TRPM3: variants seen among roughly 807,000 people sequenced by gnomAD.
The protein encoded by TRPM3 is long transient receptor potential channel 3.
Under a neutral mutation model 181.2 loss-of-function variants are expected in TRPM3, and 77 were observed. That is an observed-to-expected ratio of 0.42 (90% CI 0.35 to 0.51). TRPM3 has a LOEUF of 0.51. Among genes scored for constraint, TRPM3 ranks in the 20% least tolerant of loss-of-function variants. TRPM3 has a pLI of 0.01. For missense variants in TRPM3, 1,759 were observed against 2,196.7 expected (o/e 0.80, Z 3.98); for synonymous variants, 745 against 796.4 (o/e 0.94, Z 1.09).
intron 1 of TRPM3, among the ~76,000 whole-genome samples, chr9:71,197,287 TG>T (rs2078445628): frequency 6.6e-6 from 1 of 152,202 alleles, no homozygotes; most frequent in Admixed American, 6.6e-5. Context: ...ACATTTCGCT[TG>T]GTTCCAAGTC....
intron 1 of TRPM3, among the ~76,000 whole-genome samples, chr9:71,350,188 A>C (rs963083233): frequency 6.6e-6 from 1 of 152,140 alleles, no homozygotes; most frequent in Non-Finnish European, 1.5e-5. Context: ...ATGAGCAAAT[A>C]TCTCACAGTC....
At chr9:71,165,428 C>A (rs180886325) in intron 1 of TRPM3, among the ~76,000 whole-genome samples, 481 of 152,232 alleles carry the variant, frequency 3.2e-3, no homozygotes, top group African/African-American at 0.011. Flanking sequence ...AGTAGCTTAA[C>A]ATCCATAGAA....
At chr9:71,065,254 G>C (rs530850201) in intron 1 of TRPM3, among the ~76,000 whole-genome samples, 1 of 152,256 alleles carries the variant, frequency 6.6e-6, no homozygotes, top group African/African-American at 2.4e-5. Flanking sequence ...GGACTGTCAA[G>C]TAAAGATGAA....
intron 22 of TRPM3, among the ~76,000 whole-genome samples, chr9:70,554,473 C>T (rs995170667): frequency 1.3e-5 from 2 of 152,140 alleles, no homozygotes; most frequent in South Asian, 4.1e-4. Flanking sequence ...GGCGTCCATT[C>T]CTTTCTCAAG....
chr9:71,160,611 T>A (rs928907971), intron 1 of TRPM3, among the ~76,000 whole-genome samples: 1 of 152,140 alleles, frequency 6.6e-6, no homozygotes, highest in African/African-American at 2.4e-5. Flanking sequence ...CAAAATACAA[T>A]CTGTCTTTAA....
intron 1 of TRPM3, among the ~76,000 whole-genome samples, chr9:71,433,324 A>G (rs1240454568): frequency 6.6e-6 from 1 of 152,188 alleles, no homozygotes; most frequent in Non-Finnish European, 1.5e-5. Context: ...TTCTTGTGAC[A>G]GTGAGTGAGT....
At chr9:70,781,062 A>C (rs1472460543) in intron 7 of TRPM3, among the ~76,000 whole-genome samples, 1 of 152,142 alleles carries the variant, frequency 6.6e-6, no homozygotes, top group Non-Finnish European at 1.5e-5. Flanking sequence ...GTGGTGGCTC[A>C]CACCTGTAAT....
intron 1 of TRPM3, among the ~76,000 whole-genome samples, chr9:70,968,409 T>C (rs2097206631): frequency 6.6e-6 from 1 of 152,116 alleles, no homozygotes; most frequent in South Asian, 2.1e-4. Context: ...ATTCCTTCCT[T>C]CCTTTATCAT....
At chr9:71,090,551 A>G (rs2066029839) in intron 1 of TRPM3, among the ~76,000 whole-genome samples, 1 of 152,134 alleles carries the variant, frequency 6.6e-6, no homozygotes, top group South Asian at 2.1e-4. Context: ...GACGCTTCCC[A>G]GACTGTTGCA....
chr9:71,192,950 A>G (rs1046774001), intron 1 of TRPM3, among the ~76,000 whole-genome samples: 1 of 151,912 alleles, frequency 6.6e-6, no homozygotes, highest in Non-Finnish European at 1.5e-5. Context: ...TCATGCTGTC[A>G]AATACATATC....
At chr9:70,879,210 C>G (rs968486438) in intron 1 of TRPM3, among the ~76,000 whole-genome samples, 1 of 152,034 alleles carries the variant, frequency 6.6e-6, no homozygotes, top group African/African-American at 2.4e-5. Flanking sequence ...AATACACATG[C>G]CAGGCATGCT....
rs543945569 is a variant in TRPM3, at chr9:70,869,338, C to T, written c.178-4827G>A. ...AACTGGCACAGGTCCTAACAGGCTC[C>T]CCCGCCCTCCCTCCCTTTTTCTTTT... On this transcript the variant is annotated intron_variant, in intron 1 of 25. Coordinates refer to ENST00000677713, the MANE Select transcript of TRPM3 (RefSeq NM_001366145.2). 1.3e-4 allele frequency among the ~76,000 whole-genome samples: 18 copies of T among 142,222 alleles called. No individual in the cohort carries two copies. In the South Asian group the frequency reaches 4.6e-3, roughly 37 times the overall value. 93.3% of individuals were successfully genotyped at this position (142,222 alleles called of 152,430 possible). A position where few individuals can be genotyped will look rare whatever the true frequency, so the allele number is the denominator to read the frequency against.
intron 8 of TRPM3, among the ~76,000 whole-genome samples, chr9:70,696,240 A>G (rs763609017): frequency 2.0e-4 from 30 of 152,196 alleles, no homozygotes; most frequent in Admixed American, 3.3e-4. Flanking sequence ...TTAGATGGGG[A>G]ATATATCCAA....
chr9:71,394,948 A>G (rs1171205433), intron 1 of TRPM3, among the ~76,000 whole-genome samples: 3 of 152,222 alleles, frequency 2.0e-5, no homozygotes, highest in Admixed American at 1.3e-4. Context: ...AGGCAAGTAC[A>G]ACATCCAAGT....
chr9:71,023,856 G>A (rs1483616563), intron 1 of TRPM3, among the ~76,000 whole-genome samples: 1 of 151,556 alleles, frequency 6.6e-6, no homozygotes, highest in Non-Finnish European at 1.5e-5. Flanking sequence ...GGGAGAGAAG[G>A]CGTAGTTATA....
intron 9 of TRPM3, among the ~76,000 whole-genome samples, chr9:70,674,724 ATT>A (rs67630432): frequency 5.1e-5 from 5 of 97,882 alleles, no homozygotes; most frequent in Admixed American, 1.2e-4. Context: ...TATTCAGGCT[ATT>A]TTTTTTTTTT....
chr9:70,590,093 G>A (rs2057865469), intron 22 of TRPM3, among the ~76,000 whole-genome samples: 1 of 152,186 alleles, frequency 6.6e-6, no homozygotes, highest in Admixed American at 6.5e-5. Flanking sequence ...AACAATGTTG[G>A]AGGGATGTTA....
intron 8 of TRPM3, among the ~76,000 whole-genome samples, chr9:70,693,734 C>T (rs17539677): frequency 0.055 from 8,301 of 152,252 alleles, 270 homozygotes; most frequent in South Asian, 0.12. Context: ...ACCAGATGCC[C>T]TTGGTTTACC....
At chr9:70,626,340 C>G (rs1456328547) in intron 12 of TRPM3, among the ~76,000 whole-genome samples, 1 of 152,110 alleles carries the variant, frequency 6.6e-6, no homozygotes, top group Non-Finnish European at 1.5e-5. Flanking sequence ...GGAGAGCGCT[C>G]TATACCATGA....
Sources: gnomAD v4.1 joint callset for allele counts (sites outside exome capture counted in the v4.1 genomes callset) on GRCh38, gnomAD v4.1.1 for gene constraint, MANE v1.5 for transcripts, NCBI Gene and HGNC (gene_info 2026-07-23, HGNC 2026-07-21) for gene names.